The following UTRN variants were observed in gnomAD, a reference collection of about 807,000 sequenced individuals.
The protein encoded by UTRN is dystrophin-related protein 1.
Under a neutral mutation model 463.9 loss-of-function variants are expected in UTRN, and 283 were observed. That is an observed-to-expected ratio of 0.61 (90% confidence interval 0.55 to 0.67). The LOEUF (loss-of-function observed/expected upper bound fraction) is 0.67. Ranked by LOEUF, UTRN falls within the 30% of genes least tolerant of loss-of-function variation. The probability of loss-of-function intolerance (pLI) is 0.00; values close to 1 mark genes in which losing one functional copy is unlikely to be tolerated. For synonymous variants in UTRN, 1,442 were observed against 1,431.5 expected (o/e 1.01, Z -0.17); for missense variants, 3,922 against 4,084.3 (o/e 0.96, Z 1.08).
intron 52 of UTRN, among the ~76,000 whole-genome samples, chr6:144,695,862 A>G (rs1783949027): frequency 6.6e-6 from 1 of 152,236 alleles, no homozygotes; most frequent in African/African-American, 2.4e-5. Context: ...TGTGGATAAC[A>G]TGGGTTTAAA....
intron 2 of UTRN, among the ~76,000 whole-genome samples, chr6:144,355,080 G>T (rs1778431950): frequency 6.6e-6 from 1 of 152,012 alleles, no homozygotes; most frequent in Non-Finnish European, 1.5e-5. Context: ...TAGAATTCTG[G>T]TAATTTTTTT....
intron 19 of UTRN, among the ~76,000 whole-genome samples, chr6:144,457,602 G>A (rs1788986624): frequency 6.6e-6 from 1 of 152,112 alleles, no homozygotes; most frequent in Non-Finnish European, 1.5e-5. Flanking sequence ...TGAATGCTTT[G>A]CTTATGTCTC....
intron 53 of UTRN, among the ~76,000 whole-genome samples, chr6:144,728,928 C>CG (rs1427177003): frequency 6.6e-6 from 1 of 152,170 alleles, no homozygotes; most frequent in Non-Finnish European, 1.5e-5. Flanking sequence ...TCCCTCCCCA[C>CG]CTGTGAGGGT....
intron 33 of UTRN, among the ~76,000 whole-genome samples, chr6:144,495,500 C>T (rs763454089): frequency 6.6e-6 from 1 of 152,192 alleles, no homozygotes; most frequent in Non-Finnish European, 1.5e-5. Flanking sequence ...TGGCGCGCAG[C>T]CCCGGTTCCC....
At chr6:144,535,244 C>T (rs1445420692) in intron 43 of UTRN, among the ~76,000 whole-genome samples, 1 of 152,122 alleles carries the variant, frequency 6.6e-6, no homozygotes, top group African/African-American at 2.4e-5. Context: ...CCATGCCTGG[C>T]TAATTTTCAT....
chr6:144,513,826 T>C, intron 35 of UTRN, 83 bp from the exon 36 acceptor site: 4 of 1,483,462 alleles, frequency 2.7e-6, no homozygotes, highest in Non-Finnish European at 3.6e-6. Flanking sequence ...GTTTGCTCTT[T>C]GAAGGTCTTT....
chr6:144,699,899 CAT>C (rs928502096), intron 52 of UTRN, among the ~76,000 whole-genome samples, 186 bp from the exon 53 acceptor site: 2 of 147,548 alleles, frequency 1.4e-5, no homozygotes, highest in East Asian at 1.9e-4. Context: ...GTATATCATA[CAT>C]ATATATGTAT....
chr6:144,766,146 CA>C (rs367869810), intron 58 of UTRN, among the ~76,000 whole-genome samples: 115 of 152,138 alleles, frequency 7.6e-4, no homozygotes, highest in African/African-American at 2.7e-3. Context: ...CACACACACA[CA>C]AGCACGTGCA....
intron 51 of UTRN, among the ~76,000 whole-genome samples, chr6:144,657,230 A>G (rs1294127742): frequency 6.7e-6 from 1 of 148,978 alleles, no homozygotes; most frequent in Non-Finnish European, 1.5e-5. Flanking sequence ...AGCCTGGGCA[A>G]CAAGAGCGAA....
intron 2 of UTRN, among the ~76,000 whole-genome samples, chr6:144,345,952 C>T (rs1034884109): frequency 2.0e-5 from 3 of 151,944 alleles, no homozygotes; most frequent in African/African-American, 4.8e-5. Context: ...CCAAGGCAGG[C>T]GGATCACCTG....
At chr6:144,348,602 G>A (rs1009546688) in intron 2 of UTRN, among the ~76,000 whole-genome samples, 4 of 152,122 alleles carry the variant, frequency 2.6e-5, no homozygotes, top group Non-Finnish European at 5.9e-5. Flanking sequence ...AATGAGAATT[G>A]TTAAGTTGGG....
intron 65 of UTRN, among the ~76,000 whole-genome samples, chr6:144,817,257 T>G (rs1342615349): frequency 6.6e-6 from 1 of 152,196 alleles, no homozygotes; most frequent in East Asian, 1.9e-4. Flanking sequence ...CTGTTACCCT[T>G]GTGTTTGATC....
At chr6:144,572,312 T>C (rs1801015904) in intron 50 of UTRN, among the ~76,000 whole-genome samples, 1 of 152,148 alleles carries the variant, frequency 6.6e-6, no homozygotes, top group African/African-American at 2.4e-5. Context: ...GTGGGGGATA[T>C]CTAGGAGCTT....
At chr6:144,526,962 A>AT (rs1213067500) in intron 41 of UTRN, among the ~76,000 whole-genome samples, 4 of 151,238 alleles carry the variant, frequency 2.6e-5, no homozygotes, top group Admixed American at 6.6e-5. Context: ...TGCCTGGCTA[A>AT]TTTTTTTTGT....
At position 144,852,821 on chromosome 6, in the gene UTRN, A is replaced by G. The variant is rs991325925; in HGVS notation, c.*1824A>G. ...TTTTTTCTGCCTGTATTTGTATGCA[A>G]AATGTCCTCTATCTGCTATTAAAGA... On this transcript the variant is annotated 3_prime_UTR_variant, in exon 75 of 75. Coordinates refer to ENST00000367545, the MANE Select transcript of UTRN (RefSeq NM_007124.3). 2 of 152,600 alleles carry G rather than the reference A, an allele frequency of 1.3e-5. No individual in the cohort carries two copies. Among genetic ancestry groups the G allele is most frequent in the Non-Finnish European group, 2.9e-5 (2 of 68,008 alleles). 9.5% of individuals were successfully genotyped at this position (152,600 alleles called of 1,614,324 possible).
chr6:144,306,568 G>A (rs1425738742), intron 2 of UTRN, among the ~76,000 whole-genome samples: 1 of 152,120 alleles, frequency 6.6e-6, no homozygotes, highest in Non-Finnish European at 1.5e-5. Context: ...AGAGGGCAGT[G>A]CATAAGGGGA....
chr6:144,287,120 G>C (rs751445787), intron 1 of UTRN, among the ~76,000 whole-genome samples: 8 of 152,232 alleles, frequency 5.3e-5, no homozygotes, highest in Non-Finnish European at 1.2e-4. Flanking sequence ...TTCGTTGGCG[G>C]TGGGCGTGGG....
rs368147805 is a variant in UTRN, at chr6:144,334,636, G to A, written c.79+42729G>A. ...TTCCTCTTGGCTTCATTTGCTGTTT[G>A]GCTATGACTGAGGAAGACAGGAGGT... On this transcript the variant is annotated intron_variant, in intron 2 of 74. Transcript: ENST00000367545. Among the ~76,000 whole-genome samples, 8 of 152,270 alleles carry A rather than the reference G, an allele frequency of 5.3e-5. No individual in the cohort carries two copies. The South Asian group carries it at 1.7e-3, about 32-fold the overall frequency.
chr6:144,644,027 G>A (rs551171470), intron 51 of UTRN, among the ~76,000 whole-genome samples: 10 of 152,172 alleles, frequency 6.6e-5, no homozygotes, highest in South Asian at 4.1e-4. Flanking sequence ...ATTGAATCAC[G>A]TATGACTAAT....
Sources: gnomAD v4.1 joint callset for allele counts (sites outside exome capture counted in the v4.1 genomes callset) on GRCh38, gnomAD v4.1.1 for gene constraint, MANE v1.5 for transcripts, NCBI Gene and HGNC (gene_info 2026-07-23, HGNC 2026-07-21) for gene names.